The following PTPRO variants were observed in gnomAD, a reference collection of about 807,000 sequenced individuals.
PTPRO encodes receptor-type tyrosine-protein phosphatase O.
In PTPRO, 62 loss-of-function variants were observed where a neutral mutation model predicts 145.2. That is an observed-to-expected ratio of 0.43 (90% CI 0.35 to 0.53). PTPRO has a LOEUF of 0.53. Ranked by LOEUF, PTPRO falls within the 20% of genes least tolerant of loss-of-function variation. The pLI, the probability that PTPRO is intolerant of heterozygous loss-of-function variation, is 0.01. For missense variants in PTPRO, 1,345 were observed against 1,482.7 expected (o/e 0.91, Z 1.53); for synonymous variants, 565 against 514.7 (o/e 1.10, Z -1.32).
rs972228253 is a variant in PTPRO at position 15,596,569 on chromosome 12, A to G, written c.*496A>G. 1 of 152,660 alleles carries G rather than the reference A, an allele frequency of 6.6e-6. No homozygotes were observed. The highest frequency in any genetic ancestry group is 2.4e-5 in the African/African-American group (1 of 41,462). The allele number at this position is 152,660 out of a possible 1,614,324, so 9.5% of individuals were successfully genotyped here. ...TTATTAAAAGGAGGCATGGCCACAC[A>G]TGAAGAAATGGTCATTCTACTTCAA... On this transcript the variant is annotated 3_prime_UTR_variant, in exon 27 of 27. Coordinates refer to ENST00000281171, the MANE Select transcript of PTPRO (RefSeq NM_030667.3).
At chr12:15,335,742 T>C (rs539176065) in intron 1 of PTPRO, among the ~76,000 whole-genome samples, 5 of 152,174 alleles carry the variant, frequency 3.3e-5, no homozygotes, top group Non-Finnish European at 5.9e-5. Context: ...TTATAATGTG[T>C]CTCAGATTGC....
intron 1 of PTPRO, among the ~76,000 whole-genome samples, chr12:15,401,265 C>T (rs950136464): frequency 6.6e-6 from 1 of 152,210 alleles, no homozygotes; most frequent in African/African-American, 2.4e-5. Context: ...ATGTGCAAGA[C>T]ACTTCCACTT....
At chr12:15,582,560 A>T (rs1944344161) in intron 23 of PTPRO, among the ~76,000 whole-genome samples, 1 of 152,350 alleles carries the variant, frequency 6.6e-6, no homozygotes, top group Non-Finnish European at 1.5e-5. Flanking sequence ...ATCATAGAAG[A>T]CACTATTAAT....
rs1943899591 is a variant in PTPRO, at chr12:15,566,399, A to T, written c.2747+771A>T. 2.0e-5 allele frequency among the ~76,000 whole-genome samples: 3 copies of T among 152,230 alleles called. No individual in the cohort carries two copies. In the South Asian group the frequency reaches 6.2e-4, roughly 32 times the overall value. On this transcript the variant is annotated intron_variant, in intron 18 of 26. Transcript: ENST00000281171. ...ATGAGTAATCCATGACATAATCCAA[A>T]AGAAAAGTTGATGTAAAAATGTTTC...
intron 9 of PTPRO, among the ~76,000 whole-genome samples, chr12:15,518,464 A>T (rs1054914044): frequency 3.3e-5 from 5 of 152,338 alleles, no homozygotes; most frequent in African/African-American, 1.2e-4. Context: ...GGGGATTAAC[A>T]TTCAACTCCT....
intron 1 of PTPRO, among the ~76,000 whole-genome samples, chr12:15,482,437 G>A (rs1941799131): frequency 6.6e-6 from 1 of 152,044 alleles, no homozygotes; most frequent in Admixed American, 6.6e-5. Flanking sequence ...CTAGCCAGGA[G>A]GAATACGTTC....
intron 1 of PTPRO, among the ~76,000 whole-genome samples, chr12:15,357,818 G>A (rs1235287032): frequency 6.7e-6 from 1 of 149,568 alleles, no homozygotes; most frequent in Non-Finnish European, 1.5e-5. Flanking sequence ...CATTGTGGAA[G>A]TCAGTGTGGT....
intron 1 of PTPRO, among the ~76,000 whole-genome samples, chr12:15,400,051 CA>C (rs36062333): frequency 0.11 from 5,799 of 54,098 alleles, 146 homozygotes; most frequent in East Asian, 0.25. Context: ...ACTCTTGTCT[CA>C]AAAAAAAAAA....
chr12:15,586,414 C>T (rs1944431145), intron 23 of PTPRO, among the ~76,000 whole-genome samples: 1 of 152,198 alleles, frequency 6.6e-6, no homozygotes, highest in South Asian at 2.1e-4. Flanking sequence ...GTGGGCTTCC[C>T]TCAGCAGGAG....
rs2193165 is a variant in PTPRO at position 15,499,286 on chromosome 12, A to G, written c.509-156A>G. ...ATTGAGTCTAGACATTCAACGTTTC[A>G]TCTCTAGCCTTCTACTAACTCTTTA... On this transcript the variant is annotated intron_variant, in intron 3 of 26. Transcript: ENST00000281171. 0.96 allele frequency among the ~76,000 whole-genome samples: 146,374 copies of G among 152,316 alleles called. 70,391 individuals carry two copies. Among genetic ancestry groups the G allele is most frequent in the Middle Eastern group, 1 (294 of 294 alleles).
intron 12 of PTPRO, among the ~76,000 whole-genome samples, chr12:15,530,139 C>T (rs1183138929): frequency 6.6e-6 from 1 of 152,120 alleles, no homozygotes; most frequent in Admixed American, 6.5e-5. Context: ...AAGAGGGTTA[C>T]TATATAATGA....
At chr12:15,548,759 A>G (rs540940410) in intron 13 of PTPRO, among the ~76,000 whole-genome samples, 22 of 152,316 alleles carry the variant, frequency 1.4e-4, no homozygotes, top group African/African-American at 4.6e-4. Context: ...AAAAAGCACC[A>G]AAATATATTG....
At chr12:15,384,048 T>C (rs958363018) in intron 1 of PTPRO, among the ~76,000 whole-genome samples, 2 of 152,168 alleles carry the variant, frequency 1.3e-5, no homozygotes, top group Admixed American at 1.3e-4. Flanking sequence ...ATGATCTCTA[T>C]TTTAATATTA....
At chr12:15,533,188 A>G (rs1452945871) in intron 12 of PTPRO, among the ~76,000 whole-genome samples, 2 of 152,180 alleles carry the variant, frequency 1.3e-5, no homozygotes, top group African/African-American at 4.8e-5. Flanking sequence ...GACTATGTAA[A>G]CCAGCTTGGA....
At chr12:15,483,447 C>A (rs990753217) in intron 1 of PTPRO, among the ~76,000 whole-genome samples, 1 of 152,138 alleles carries the variant, frequency 6.6e-6, no homozygotes, top group African/African-American at 2.4e-5. Flanking sequence ...TCTTTAATGA[C>A]AAGGATCAAC....
chr12:15,551,304 C>G (rs1469362857), intron 14 of PTPRO, among the ~76,000 whole-genome samples: 1 of 152,176 alleles, frequency 6.6e-6, no homozygotes, highest in Non-Finnish European at 1.5e-5. Flanking sequence ...GTAAGAATAT[C>G]CTGAATGTTG....
At chr12:15,579,377 G>GA (rs1173990719) in intron 20 of PTPRO, among the ~76,000 whole-genome samples, 2 of 151,768 alleles carry the variant, frequency 1.3e-5, no homozygotes, top group East Asian at 1.9e-4. Context: ...AGCATTCAAG[G>GA]AAAAAAAGGT....
At chr12:15,418,247 T>C (rs1188839685) in intron 1 of PTPRO, among the ~76,000 whole-genome samples, 1 of 151,836 alleles carries the variant, frequency 6.6e-6, no homozygotes, top group Non-Finnish European at 1.5e-5. Flanking sequence ...TGAATGTGGT[T>C]AATCACAACA....
intron 1 of PTPRO, among the ~76,000 whole-genome samples, chr12:15,408,376 G>T (rs572892100): frequency 4.6e-5 from 7 of 151,978 alleles, no homozygotes; most frequent in African/African-American, 1.7e-4. Flanking sequence ...TCTTTATGTC[G>T]TGTTGAGAAA....
Sources: allele counts gnomAD v4.1 joint callset (sites outside exome capture counted in the v4.1 genomes callset), GRCh38; gene constraint gnomAD v4.1.1; transcripts MANE v1.5; gene names NCBI Gene and HGNC (gene_info 2026-07-23, HGNC 2026-07-21).